Variants in BMP10 observed in about 807,000 individuals in gnomAD.
BMP10 encodes bone morphogenetic protein 10.
In BMP10, 9 loss-of-function variants were observed where a neutral mutation model predicts 29.9. That is an observed-to-expected ratio of 0.30 (90% CI 0.18 to 0.53). The LOEUF (loss-of-function observed/expected upper bound fraction) is 0.53. BMP10 is among the 20% of genes least tolerant of loss of function. The pLI is 0.96. For missense variants in BMP10, 474 were observed against 524.3 expected (o/e 0.90, Z 0.94); for synonymous variants, 202 against 200.2 (o/e 1.01, Z -0.07).
In BMP10 at chr2:68,865,453, C is replaced by A; in HGVS notation, c.*178G>T. On this transcript the variant is annotated 3_prime_UTR_variant, in exon 2 of 2. Transcript: ENST00000295379. The surrounding 1 kb of genome is among the most constrained non-coding windows in gnomAD (Gnocchi z 4.7). ...GGAAATGGCAAGTCCAAAGAGAAAA[C>A]AGATTGAAAGGGACTTAACTGGAGA... 1 of 657,284 alleles carries A rather than the reference C, an allele frequency of 1.5e-6. No homozygotes were observed. Among genetic ancestry groups the A allele is most frequent in the Non-Finnish European group, 2.5e-6 (1 of 406,272 alleles). 40.7% of individuals were successfully genotyped at this position (657,284 alleles called of 1,614,324 possible).
In BMP10 at chr2:68,866,075, C is replaced by G. The variant is rs1173941311; in HGVS notation, c.831G>C (p.Glu277Asp). Residue 277 changes from glutamate to aspartate, a missense_variant, in exon 2 of 2, where the codon GAG (glutamate) becomes GAC (aspartate). By Grantham distance (45) the Glu-to-Asp change is conservative (BLOSUM62 2). Transcript: ENST00000295379. ...CCAAGTTGTCCAGCTCTGGAAGTTG[C>G]TCATGGGAAATCATTTCATTCAGTT... Reference protein sequence around the residue: ...KEELNEMISHEQLPELDNLGL... With the variant: ...KEELNEMISHDQLPELDNLGL... The G allele has an allele frequency of 3.7e-6, 6 of 1,614,118 alleles. No individual in the cohort carries two copies. Among genetic ancestry groups the G allele is most frequent in the Non-Finnish European group, 5.1e-6 (6 of 1,179,998 alleles).
At chr2:68,869,294 G>GT (rs1281746460) in intron 1 of BMP10, among the ~76,000 whole-genome samples, 2 of 151,992 alleles carry the variant, frequency 1.3e-5, no homozygotes, top group Admixed American at 6.6e-5. Context: ...TAGGTTTGGA[G>GT]TTTTTTTGGT....
Position 68,865,726 on chromosome 2 carries a change from G to T in BMP10, c.1180C>A (p.Leu394Ile). The change falls in exon 2 of 2, where the codon CTA becomes ATA. Residue 394 changes from leucine (L) to isoleucine (I), a missense_variant. Transcript: ENST00000295379. The surrounding 1 kb of genome is among the most constrained non-coding windows in gnomAD (Gnocchi z 4.7). ...AAATAGAGGATGGAGATGGGCTCTA[G>T]CTTTGTGGGCACACAGCAGGCTTTG... ...ASKACCVPTK[L>I]EPISILYLDK... 1 of 1,614,156 alleles carries T rather than the reference G, an allele frequency of 6.2e-7. No homozygotes were observed. The highest frequency in any genetic ancestry group is 8.5e-7 in the Non-Finnish European group (1 of 1,179,984).
In BMP10 at chr2:68,871,178, C is replaced by T; in HGVS notation, c.181G>A (p.Glu61Lys). ...GAGAGGTTTAGTGTCTTAAGAAACT[C>T]ATCCTTCATGCTCTGGAGCAGTGTG... ...FNTLLQSMKD[E>K]FLKTLNLSDI... The change falls in exon 1 of 2, where the codon GAG becomes AAG. Residue 61 changes from glutamate to lysine, a missense_variant. This residue lies in a region of BMP10 where 408 missense variants were observed against 415.3 expected (regional missense o/e 0.98). Transcript: ENST00000295379. 6.2e-7 allele frequency: 1 copy of T among 1,614,146 alleles called. No individual in the cohort carries two copies. The highest frequency in any genetic ancestry group is 1.1e-5 in the South Asian group (1 of 91,078).
rs763508192 is a variant in BMP10, at chr2:68,865,338, T to C, written c.*293A>G. On this transcript the variant is annotated 3_prime_UTR_variant, in exon 2 of 2. Transcript: ENST00000295379. The surrounding 1 kb of genome is among the most constrained non-coding windows in gnomAD (Gnocchi z 4.7). ...CAAAAGATTTTTGTAAGTTCATGTA[T>C]GTACAAATATACATACACAAGTGTG... 2.9e-5 allele frequency: 11 copies of C among 384,718 alleles called. No individual in the cohort carries two copies. The highest frequency in any genetic ancestry group is 8.2e-5 in the Admixed American group (2 of 24,514). The allele number at this position is 384,718 out of a possible 1,614,324, so 23.8% of individuals were successfully genotyped here.
intron 1 of BMP10, among the ~76,000 whole-genome samples, chr2:68,867,881 A>G (rs1241850389): frequency 7.3e-6 from 1 of 136,422 alleles, no homozygotes; most frequent in Non-Finnish European, 1.6e-5. Flanking sequence ...ATAATTCATT[A>G]AAGGAGAGAT....
At position 68,863,229 on chromosome 2, in the gene BMP10, C is replaced by A. The variant is rs1370878113; in HGVS notation, c.*2402G>T. ...CATCACCTTGGCAGCTCAAGATAGA[C>A]CATGTAGGAGCGTTTGCAGCATTGA... On this transcript the variant is annotated 3_prime_UTR_variant, in exon 2 of 2. Transcript: ENST00000295379. Among the ~76,000 whole-genome samples, 3 of 152,164 alleles carry A rather than the reference C, an allele frequency of 2.0e-5. No homozygotes were observed. Among genetic ancestry groups the A allele is most frequent in the African/African-American group, 7.2e-5 (3 of 41,438 alleles).
intron 1 of BMP10, among the ~76,000 whole-genome samples, chr2:68,869,815 A>G (rs1683036231): frequency 6.6e-6 from 1 of 152,250 alleles, no homozygotes. Flanking sequence ...ACTAAGGAAT[A>G]CCTACTCAAC....
rs886487480 is a variant in BMP10 at position 68,863,293 on chromosome 2, G to A, written c.*2338C>T. Among the ~76,000 whole-genome samples, 2 of 152,160 alleles carry A rather than the reference G, an allele frequency of 1.3e-5. No individual in the cohort carries two copies. Among genetic ancestry groups the A allele is most frequent in the Non-Finnish European group, 2.9e-5 (2 of 68,022 alleles). ...GGGCTTTTTCTCCCCCTGGATTGCT[G>A]GTTGTAAGGGTTTTACCAGCACACC... On this transcript the variant is annotated 3_prime_UTR_variant, in exon 2 of 2. Coordinates refer to ENST00000295379, the MANE Select transcript of BMP10 (RefSeq NM_014482.3).
In BMP10 at chr2:68,866,380, C is replaced by A. The variant is rs781057330; in HGVS notation, c.526G>T (p.Asp176Tyr). Residue 176 changes from aspartate to tyrosine, a missense_variant, in exon 2 of 2, where the codon GAT becomes TAT. This residue lies in a region of BMP10 where 408 missense variants were observed against 415.3 expected (regional missense o/e 0.98). Coordinates refer to ENST00000295379, the MANE Select transcript of BMP10 (RefSeq NM_014482.3). Reference protein sequence around the residue: ...TIFEVLESKGDNEGERNMLVL... With the variant: ...TIFEVLESKGYNEGERNMLVL... ...AGCATGTTTCTTTCTCCCTCATTAT[C>A]CCCTTTGCTCTCCAGCACTTCAAAA... 6.2e-7 allele frequency: 1 copy of A among 1,613,972 alleles called. No homozygotes were observed. Among genetic ancestry groups the A allele is most frequent in the Non-Finnish European group, 8.5e-7 (1 of 1,179,956 alleles).
rs1394151720 is a variant in BMP10 at position 68,863,473 on chromosome 2, G to A, written c.*2158C>T. ...TATGTGAGTATACATTGTGTACCAT[G>A]GAGTATGAAGGATGCACCACGTTCC... On this transcript the variant is annotated 3_prime_UTR_variant, in exon 2 of 2. Transcript: ENST00000295379. 1.3e-5 allele frequency among the ~76,000 whole-genome samples: 2 copies of A among 152,170 alleles called. No individual in the cohort carries two copies. The highest frequency in any genetic ancestry group is 4.8e-5 in the African/African-American group (2 of 41,438).
At chr2:68,868,725 T>C (rs1238023498) in intron 1 of BMP10, among the ~76,000 whole-genome samples, 1 of 152,136 alleles carries the variant, frequency 6.6e-6, no homozygotes, top group Admixed American at 6.6e-5. Context: ...AGTAGGCTGG[T>C]TGCTCTACCC....
rs575048749 is a variant in BMP10 at position 68,862,545 on chromosome 2, C to T, written c.*3086G>A. 1.3e-4 allele frequency among the ~76,000 whole-genome samples: 20 copies of T among 152,250 alleles called. No homozygotes were observed. The highest frequency in any genetic ancestry group is 4.6e-4 in the African/African-American group (19 of 41,542). ...CTGCCCAAGTCCCTCTGCTATAATTCTCCTCAAGAGTTGTTTAGCTATATC... is the reference window on the plus strand; with the variant it reads ...CTGCCCAAGTCCCTCTGCTATAATTTTCCTCAAGAGTTGTTTAGCTATATC... On this transcript the variant is annotated 3_prime_UTR_variant, in exon 2 of 2. Transcript: ENST00000295379.
At position 68,866,408 on chromosome 2, in the gene BMP10, G is replaced by A; in HGVS notation, c.498C>T (p.Thr166=). The change falls in exon 2 of 2, where the codon ACC becomes ACT. Residue 166 remains threonine (T), a synonymous_variant. Transcript: ENST00000295379. ...MIYDGVDRKI[T]IFEVLESKGD... is the part of the protein sequence containing the mutation. Reference sequence around the variant, plus strand: ...CTTTGCTCTCCAGCACTTCAAAAATGGTAATTTTCCGGTCTACTCCATCGT... The same window carrying A: ...CTTTGCTCTCCAGCACTTCAAAAATAGTAATTTTCCGGTCTACTCCATCGT... 1 of 1,613,716 alleles carries A rather than the reference G, an allele frequency of 6.2e-7. No individual in the cohort carries two copies. The highest frequency in any genetic ancestry group is 8.5e-7 in the Non-Finnish European group (1 of 1,179,916).
rs1418118653 is a variant in BMP10 at position 68,863,899 on chromosome 2, T to C, written c.*1732A>G. ...AAGATGAGTAGGGGTGAATGGGGGA[T>C]GACGTACTGGAAACCACATTCCTGG... On this transcript the variant is annotated 3_prime_UTR_variant, in exon 2 of 2. Coordinates refer to ENST00000295379, the MANE Select transcript of BMP10 (RefSeq NM_014482.3). Among the ~76,000 whole-genome samples the C allele has an allele frequency of 6.6e-6, 1 of 152,142 alleles. No individual in the cohort carries two copies. The highest frequency in any genetic ancestry group is 1.5e-5 in the Non-Finnish European group (1 of 68,014).
rs1682913358 is a variant in BMP10, at chr2:68,864,332, T to G, written c.*1299A>C. On this transcript the variant is annotated 3_prime_UTR_variant, in exon 2 of 2. Coordinates refer to ENST00000295379, the MANE Select transcript of BMP10 (RefSeq NM_014482.3). ...TTTTCTTATACTTACTTATTCTGGTTTTCTTTTCTCTTATATCTAAGTATT... is the reference window on the plus strand; with the variant it reads ...TTTTCTTATACTTACTTATTCTGGTGTTCTTTTCTCTTATATCTAAGTATT... Among the ~76,000 whole-genome samples the G allele has an allele frequency of 6.6e-6, 1 of 152,204 alleles. No homozygotes were observed. The highest frequency in any genetic ancestry group is 2.4e-5 in the African/African-American group (1 of 41,450).
In BMP10 at chr2:68,863,083, A is replaced by G. The variant is rs1385842708; in HGVS notation, c.*2548T>C. Among the ~76,000 whole-genome samples the G allele has an allele frequency of 6.6e-6, 1 of 152,232 alleles. No homozygotes were observed. The highest frequency in any genetic ancestry group is 2.1e-4 in the South Asian group (1 of 4,836). ...GGCACATCCTTAACATTCTAGTATC[A>G]GGGTGCTAATGTCAGCGGTGTGCTA... On this transcript the variant is annotated 3_prime_UTR_variant, in exon 2 of 2. Coordinates refer to ENST00000295379, the MANE Select transcript of BMP10 (RefSeq NM_014482.3).
At chr2:68,867,941 A>G (rs916631245) in intron 1 of BMP10, among the ~76,000 whole-genome samples, 4 of 152,238 alleles carry the variant, frequency 2.6e-5, no homozygotes, top group African/African-American at 9.6e-5. Flanking sequence ...TAAGAAAAAT[A>G]TACAATAATT....
chr2:68,871,154 A>G lies in BMP10; in HGVS notation c.205T>C (p.Ser69Pro). Residue 69 changes from serine (S) to proline (P), a missense_variant, in exon 1 of 2, where the codon TCT becomes CCT. Ser to Pro is a moderately conservative substitution (Grantham distance 74). Around this residue, in one of 2 missense-constraint regions of BMP10, gnomAD observed 408 missense variants for 415.3 expected, o/e 0.98. Transcript: ENST00000295379. ...KDEFLKTLNLSDIPTQDSAKV... is the reference protein window; with the variant it reads ...KDEFLKTLNLPDIPTQDSAKV... Reference sequence around the variant, plus strand: ...GCTGAATCCTGCGTGGGGATGTCAGAGAGGTTTAGTGTCTTAAGAAACTCA... The same window carrying G: ...GCTGAATCCTGCGTGGGGATGTCAGGGAGGTTTAGTGTCTTAAGAAACTCA... The G allele has an allele frequency of 1.9e-6, 3 of 1,614,174 alleles. No individual in the cohort carries two copies. The South Asian group carries it at 3.3e-5, about 18-fold the overall frequency.
Sources: gnomAD v4.1 joint callset for allele counts (sites outside exome capture counted in the v4.1 genomes callset) on GRCh38, gnomAD v4.1.1 for gene constraint, gnomAD v4.1.1 regional missense constraint, Gnocchi (gnomAD v3.1) non-coding constraint, MANE v1.5 for transcripts, NCBI Gene and HGNC (gene_info 2026-07-23, HGNC 2026-07-21) for gene names.